The following SIGLEC12 variants were observed in gnomAD, a reference collection of about 807,000 sequenced individuals.
The protein encoded by SIGLEC12 is sialic acid binding Ig like lectin 12.
Under a neutral mutation model 54.1 loss-of-function variants are expected in SIGLEC12, and 43 were observed. That is an observed-to-expected ratio of 0.80 (90% CI 0.62 to 1.03). SIGLEC12 has a LOEUF of 1.03. SIGLEC12 is among the 50% of genes least tolerant of loss of function. SIGLEC12 has a pLI of 0.00. For synonymous variants in SIGLEC12, 357 were observed against 307.6 expected (o/e 1.16, Z -1.68); for missense variants, 802 against 735.2 (o/e 1.09, Z -1.05).
intron 7 of SIGLEC12, among the ~76,000 whole-genome samples, chr19:51,495,609 T>A (rs991848365): frequency 1.3e-5 from 2 of 152,258 alleles, no homozygotes; most frequent in African/African-American, 4.8e-5. Context: ...TATATCTATC[T>A]TTATATTTTA....
chr19:51,501,756 G>T lies in SIGLEC12; in HGVS notation c.-23C>A, dbSNP rs745538990. 1.3e-6 allele frequency: 2 copies of T among 1,572,834 alleles called. No homozygotes were observed. Among genetic ancestry groups the T allele is most frequent in the Non-Finnish European group, 1.7e-6 (2 of 1,157,242 alleles). ...CATGTGTCGGGTTGGAGGTGCCAGG[G>T]TTGCTGAGGTAAGTCTGTTCCTCAG... is the stretch of plus-strand genomic sequence containing the variant. On this transcript the variant is annotated 5_prime_UTR_variant, in exon 1 of 8. Coordinates refer to ENST00000291707, the MANE Select transcript of SIGLEC12 (RefSeq NM_053003.4).
rs1248709833 is a variant in SIGLEC12, at chr19:51,497,339, C to A, written c.1502+10G>T. 8 of 1,610,920 alleles carry A rather than the reference C, an allele frequency of 5.0e-6. No individual in the cohort carries two copies. The highest frequency in any genetic ancestry group is 5.9e-6 in the Non-Finnish European group (7 of 1,177,520). On this transcript the variant is annotated intron_variant, in intron 6 of 7. Coordinates refer to ENST00000291707, the MANE Select transcript of SIGLEC12 (RefSeq NM_053003.4). ...CCCCAAGGCTCTTCCTCCCCAGGGT[C>A]AATGCTCACACAACGAAGATGATGC... is the stretch of plus-strand genomic sequence containing the variant.
chr19:51,500,421 G>C (rs944558920), intron 1 of SIGLEC12, 121 bp from the exon 2 acceptor site: 15 of 1,560,934 alleles, frequency 9.6e-6, no homozygotes, highest in Non-Finnish European at 1.3e-5. Context: ...AGAGAAGGGG[G>C]AGGGAGAGGA....
At chr19:51,494,782 C>T (rs57347428) in intron 7 of SIGLEC12, among the ~76,000 whole-genome samples, 17,543 of 152,114 alleles carry the variant, frequency 0.12, 1,112 homozygotes, top group Middle Eastern at 0.25. Context: ...TATTAATTAC[C>T]CTTTAAAAAG....
intron 7 of SIGLEC12, among the ~76,000 whole-genome samples, chr19:51,495,207 G>T (rs528179387): frequency 4.4e-4 from 57 of 130,002 alleles, no homozygotes; most frequent in Non-Finnish European, 8.4e-4. Context: ...ATGGACGGAC[G>T]GGTGGGTGGG....
At chr19:51,499,133 C>A (rs775764143) in intron 4 of SIGLEC12, 37 bp downstream of exon 4, 1 of 1,611,512 alleles carries the variant, frequency 6.2e-7, no homozygotes, top group Non-Finnish European at 8.5e-7. Flanking sequence ...GTTGAAGGCT[C>A]TGCTCCTCCA....
chr19:51,491,816 T>C lies in SIGLEC12; in HGVS notation c.1613A>G (p.Glu538Gly). The C allele has an allele frequency of 6.4e-7, 1 of 1,572,266 alleles. No homozygotes were observed. Among genetic ancestry groups the C allele is most frequent in the Non-Finnish European group, 8.6e-7 (1 of 1,160,780 alleles). Residue 538 changes from glutamate to glycine, a missense_variant, in exon 8 of 8, where the codon GAA (glutamate) becomes GGA (glycine). Physicochemically the swap from Glu to Gly is moderately conservative, Grantham distance 98 (BLOSUM62 -2). Transcript: ENST00000291707. ...TGGGGGGCTGTCATCTGCCGGGGATTCAATCAGGGGTCCCTGAATGGAGGA... is the reference window on the plus strand; with the variant it reads ...TGGGGGGCTGTCATCTGCCGGGGATCCAATCAGGGGTCCCTGAATGGAGGA... ...RGSASQGPLIESPADDSPPHH... is the reference protein window; with the variant it reads ...RGSASQGPLIGSPADDSPPHH...
chr19:51,497,334 A>G lies in SIGLEC12; in HGVS notation c.1502+15T>C, dbSNP rs770266737. ...CCCTCCCCCAAGGCTCTTCCTCCCCAGGGTCAATGCTCACACAACGAAGAT... is the reference window on the plus strand; with the variant it reads ...CCCTCCCCCAAGGCTCTTCCTCCCCGGGGTCAATGCTCACACAACGAAGAT... On this transcript the variant is annotated intron_variant, in intron 6 of 7. Coordinates refer to ENST00000291707, the MANE Select transcript of SIGLEC12 (RefSeq NM_053003.4). The G allele has an allele frequency of 3.7e-6, 6 of 1,608,450 alleles. No individual in the cohort carries two copies. Among genetic ancestry groups the G allele is most frequent in the Non-Finnish European group, 5.1e-6 (6 of 1,175,516 alleles).
chr19:51,499,836 C>T (rs45554634), intron 2 of SIGLEC12, 84 bp downstream of exon 2: 172,540 of 1,543,904 alleles, frequency 0.11, 10,427 homozygotes, highest in African/African-American at 0.18. Flanking sequence ...CTCCAACTCC[C>T]TCCCAGGATG....
In SIGLEC12 at chr19:51,501,225, C is replaced by T. The variant is rs1010141317; in HGVS notation, c.427+82G>A. The stretch of plus-strand genomic sequence containing the variant: ...TGAGTCCATCACCCCCGGCCCCCTC[C>T]CAGGACATGTGTCCCGTCTCAGCCG... On this transcript the variant is annotated intron_variant, in intron 1 of 7. Coordinates refer to ENST00000291707, the MANE Select transcript of SIGLEC12 (RefSeq NM_053003.4). The T allele has an allele frequency of 1.0e-5, 15 of 1,462,342 alleles. No individual in the cohort carries two copies. In the Admixed American group the frequency reaches 2.1e-4, roughly 20 times the overall value. 90.6% of individuals were successfully genotyped at this position (1,462,342 alleles called of 1,614,324 possible).
Position 51,499,448 on chromosome 19 carries a change from G to C in SIGLEC12, c.1077C>G (p.Leu359=). Residue 359 remains leucine, a synonymous_variant, in exon 3 of 8, where the codon CTC becomes CTG. Transcript: ENST00000291707. ...AGVTMTRAVR[L]NISYPPQNLT... ...TGGCCCAGAACTCACAGGATATGTT[G>C]AGTCGGACAGCCCTGGTCATGGTCA... is the stretch of plus-strand genomic sequence containing the variant. 1 of 1,581,590 alleles carries C rather than the reference G, an allele frequency of 6.3e-7. No homozygotes were observed.
At chr19:51,499,812 C>T (rs1310929158) in intron 2 of SIGLEC12, 96 bp from the exon 3 acceptor site, 1 of 1,554,224 alleles carries the variant, frequency 6.4e-7, no homozygotes, top group African/African-American at 1.4e-5. Flanking sequence ...TCCCCTGAGC[C>T]AGATATGCTT....
chr19:51,494,601 C>G (rs1460743008), intron 7 of SIGLEC12, among the ~76,000 whole-genome samples: 1 of 152,162 alleles, frequency 6.6e-6, no homozygotes, highest in Middle Eastern at 3.2e-3. Context: ...GTCCAGAAAC[C>G]CTACTTGTGG....
Position 51,491,500 on chromosome 19 carries a change from C to T in SIGLEC12, c.*141G>A. 2.5e-6 allele frequency: 2 copies of T among 805,172 alleles called. No individual in the cohort carries two copies. Among genetic ancestry groups the T allele is most frequent in the Non-Finnish European group, 2.0e-6 (1 of 503,598 alleles). The allele number at this position is 805,172 out of a possible 1,614,324, so 49.9% of individuals were successfully genotyped here. A position where few individuals can be genotyped will look rare whatever the true frequency, so the allele number is the denominator to read the frequency against. On this transcript the variant is annotated 3_prime_UTR_variant, in exon 8 of 8. Transcript: ENST00000291707. Reference sequence around the variant, plus strand: ...AGGGAGAGTTTGGTCATCAGGCACGCATTTTCAGTTTGACAAGAGGAATAA... The same window carrying T: ...AGGGAGAGTTTGGTCATCAGGCACGTATTTTCAGTTTGACAAGAGGAATAA...
intron 5 of SIGLEC12, 51 bp from the exon 6 acceptor site, chr19:51,497,496 T>A: frequency 7.2e-7 from 1 of 1,382,744 alleles, no homozygotes; most frequent in Non-Finnish European, 1.0e-6. Flanking sequence ...GAACTGGGCC[T>A]CTTCTCCTCC....
In SIGLEC12 at chr19:51,491,488, T is replaced by C. The variant is rs1377495737; in HGVS notation, c.*153A>G. 1 of 718,848 alleles carries C rather than the reference T, an allele frequency of 1.4e-6. No individual in the cohort carries two copies. The highest frequency in any genetic ancestry group is 2.8e-5 in the East Asian group (1 of 35,680). 44.5% of individuals were successfully genotyped at this position (718,848 alleles called of 1,614,324 possible). Reference sequence around the variant, plus strand: ...TTGGATGGAGAAAGGGAGAGTTTGGTCATCAGGCACGCATTTTCAGTTTGA... The same window carrying C: ...TTGGATGGAGAAAGGGAGAGTTTGGCCATCAGGCACGCATTTTCAGTTTGA... On this transcript the variant is annotated 3_prime_UTR_variant, in exon 8 of 8. Coordinates refer to ENST00000291707, the MANE Select transcript of SIGLEC12 (RefSeq NM_053003.4).
At chr19:51,499,856 C>A in intron 2 of SIGLEC12, 64 bp downstream of exon 2, 1 of 1,557,934 alleles carries the variant, frequency 6.4e-7, no homozygotes, top group Non-Finnish European at 8.7e-7. Context: ...GGGGGTCCCA[C>A]CTCAGCCCTA....
At chr19:51,494,871 G>A (rs1990183260) in intron 7 of SIGLEC12, among the ~76,000 whole-genome samples, 1 of 152,170 alleles carries the variant, frequency 6.6e-6, no homozygotes, top group African/African-American at 2.4e-5. Context: ...CACAAGATGA[G>A]CAATACTGTA....
At position 51,501,541 on chromosome 19, in the gene SIGLEC12, G is replaced by A. The variant is rs61742108; in HGVS notation, c.193C>T (p.Arg65Trp). 3.1e-5 allele frequency: 50 copies of A among 1,613,040 alleles called. 1 individual carries two copies. The Middle Eastern group carries it at 4.9e-4, about 16-fold the overall frequency. The change falls in exon 1 of 8, where the codon CGG becomes TGG. Residue 65 changes from arginine to tryptophan, a missense_variant. Physicochemically the swap from Arg to Trp is moderately radical, Grantham distance 101. Transcript: ENST00000291707. ...TTCCGGCTTACATGGTCCCCTGCCC[G>A]GAACCAGTAGCCATGAACTGGATCG... ...ASDPVHGYWF[R>W]AGDHVSRNIP... is the part of the protein sequence containing the mutation.
Sources: allele counts gnomAD v4.1 joint callset (sites outside exome capture counted in the v4.1 genomes callset), GRCh38; gene constraint gnomAD v4.1.1; transcripts MANE v1.5; gene names NCBI Gene and HGNC (gene_info 2026-07-23, HGNC 2026-07-21).